Variants in C12orf42 observed in about 807,000 individuals in gnomAD.
C12orf42 encodes uncharacterized protein C12orf42.
Under a neutral mutation model 21.6 loss-of-function variants are expected in C12orf42, and 25 were observed. That is an observed-to-expected ratio of 1.16 (90% CI 0.84 to 1.62). The LOEUF (loss-of-function observed/expected upper bound fraction) is 1.62, where lower values mean the gene tolerates loss of function less well. Among genes scored for constraint, C12orf42 ranks in the 40% most tolerant of loss-of-function variants. The pLI, the probability that C12orf42 is intolerant of heterozygous loss-of-function variation, is 0.00. For synonymous variants in C12orf42, 174 were observed against 175.0 expected (o/e 0.99, Z 0.05); for missense variants, 483 against 459.3 (o/e 1.05, Z -0.47).
the C12orf42 span, among the ~76,000 whole-genome samples, chr12:103,069,069 G>A: frequency 7.0e-6 from 1 of 142,248 alleles, no homozygotes; most frequent in South Asian, 2.2e-4. Flanking sequence ...GATACTTTTT[G>A]TTCTCTGACT....
chr12:103,238,015 G>A (rs748690888), intron 10 of C12orf42: 1 of 152,210 alleles, frequency 6.6e-6, no homozygotes, highest in African/African-American at 2.4e-5. Context: ...ATATACTGCA[G>A]GAGGCATGTG....
chr12:103,357,202 C>T (rs904311003), intron 4 of C12orf42, among the ~76,000 whole-genome samples: 4 of 150,856 alleles, frequency 2.7e-5, no homozygotes, highest in Non-Finnish European at 3.0e-5. Flanking sequence ...TGCTAAATGA[C>T]GAGTTAATGG....
chr12:103,386,530 T>C (rs988847769), intron 3 of C12orf42, among the ~76,000 whole-genome samples: 1 of 152,344 alleles, frequency 6.6e-6, no homozygotes, highest in Admixed American at 6.5e-5. Context: ...TCTGGTTAAG[T>C]GCTCAAAGTC....
intron 2 of C12orf42, among the ~76,000 whole-genome samples, chr12:103,429,394 T>C (rs542364794): frequency 2.1e-4 from 32 of 152,128 alleles, no homozygotes; most frequent in Admixed American, 4.6e-4. Flanking sequence ...ATAAAATACC[T>C]AGGAATATAA....
chr12:103,329,497 T>G (rs1243925329), intron 4 of C12orf42, among the ~76,000 whole-genome samples: 1 of 151,898 alleles, frequency 6.6e-6, no homozygotes, highest in Non-Finnish European at 1.5e-5. Context: ...TGTATACCTA[T>G]GTAACAAATC....
At chr12:103,371,645 T>C (rs1406463809) in intron 3 of C12orf42, among the ~76,000 whole-genome samples, 1 of 151,958 alleles carries the variant, frequency 6.6e-6, no homozygotes, top group African/African-American at 2.4e-5. Flanking sequence ...TGAGAGAAAG[T>C]GAGACAAAAA....
upstream of C12orf42, among the ~76,000 whole-genome samples, chr12:103,497,968 G>A (rs572736938): frequency 6.6e-6 from 1 of 152,204 alleles, no homozygotes; most frequent in South Asian, 2.1e-4. Context: ...CTGTGAGGCA[G>A]AGGTTGCAGT....
chr12:103,261,476 CAAAAAAAAA>C (rs200549825), intron 10 of C12orf42, among the ~76,000 whole-genome samples: 12 of 78,824 alleles, frequency 1.5e-4, no homozygotes, highest in East Asian at 7.1e-4. Flanking sequence ...GAGACTCTTT[CAAAAAAAAA>C]AAAAAAAAAA....
chr12:103,184,244 T>C, the C12orf42 span, among the ~76,000 whole-genome samples: 2 of 152,228 alleles, frequency 1.3e-5, no homozygotes, highest in Non-Finnish European at 2.9e-5. Flanking sequence ...GTTTGGTGCA[T>C]ACCTGTTAAG....
chr12:103,521,056 T>C, the C12orf42 span, among the ~76,000 whole-genome samples: 485 of 152,302 alleles, frequency 3.2e-3, 3 homozygotes, highest in African/African-American at 0.011. Context: ...CTATGTACTA[T>C]AGGTTGTAGG....
At chr12:103,233,965 T>C (rs2033387207), downstream of C12orf42, among the ~76,000 whole-genome samples, 2 of 152,212 alleles carry the variant, frequency 1.3e-5, no homozygotes. Flanking sequence ...GTTAGGGAAG[T>C]TCCTCTCTAT....
intron 1 of C12orf42, among the ~76,000 whole-genome samples, chr12:103,495,519 T>C (rs924738162): frequency 4.6e-5 from 7 of 151,532 alleles, no homozygotes; most frequent in African/African-American, 1.7e-4. Context: ...GCGGGGCGCA[T>C]TGTGGGCCGC....
Position 103,340,276 on chromosome 12 carries a change from T to G in C12orf42, c.259+28611A>C, listed in dbSNP as rs146037054. ...GATCAGTGAATGGCAGCGAGGAAAC[T>G]GCTCTAAGTTAAAAAGAACCCATCC... On this transcript the variant is annotated intron_variant, in intron 4 of 5. Coordinates refer to ENST00000548883, the MANE Select transcript of C12orf42 (RefSeq NM_198521.5). Among the ~76,000 whole-genome samples the G allele has an allele frequency of 1.7e-3, 256 of 152,310 alleles. 1 individual carries two copies. Among genetic ancestry groups the G allele is most frequent in the African/African-American group, 5.6e-3 (231 of 41,564 alleles).
the C12orf42 span, among the ~76,000 whole-genome samples, chr12:103,224,564 A>G: frequency 2.3e-4 from 35 of 150,158 alleles, no homozygotes; most frequent in African/African-American, 8.4e-4. Flanking sequence ...GTGGGAGGCC[A>G]GATTGAAGTC....
chr12:103,220,360 C>T, the C12orf42 span, among the ~76,000 whole-genome samples: 1 of 151,832 alleles, frequency 6.6e-6, no homozygotes, highest in African/African-American at 2.4e-5. Context: ...CAAACCTACA[C>T]GTTCTGCACA....
intron 3 of C12orf42, among the ~76,000 whole-genome samples, chr12:103,391,361 C>T (rs1593772861): frequency 1.3e-5 from 2 of 152,164 alleles, no homozygotes; most frequent in Non-Finnish European, 2.9e-5. Flanking sequence ...TATTAACAAC[C>T]GCTATACTAT....
In C12orf42 at chr12:103,490,365, T is replaced by C. The variant is rs1337687776; in HGVS notation, c.-22+5537A>G. Among the ~76,000 whole-genome samples the C allele has an allele frequency of 2.6e-5, 4 of 152,332 alleles. No homozygotes were observed. In the South Asian group the frequency reaches 8.3e-4, roughly 32 times the overall value. On this transcript the variant is annotated intron_variant, in intron 1 of 5. Transcript: ENST00000548883. ...AGTCAATTTGGAGAGTTATATAGGA[T>C]AACTGGTCTGAAATTCTCTTAAAAA...
chr12:103,476,357 G>A (rs376143481), intron 2 of C12orf42, among the ~76,000 whole-genome samples: 1 of 152,142 alleles, frequency 6.6e-6, no homozygotes, highest in Non-Finnish European at 1.5e-5. Context: ...CAGACCACAA[G>A]CAGCTCCAGG....
the C12orf42 span, among the ~76,000 whole-genome samples, chr12:103,198,403 T>TGG: frequency 6.6e-6 from 1 of 152,116 alleles, no homozygotes; most frequent in Non-Finnish European, 1.5e-5. Context: ...GCAGACAGAT[T>TGG]GGTGCTCAGA....
Sources: allele counts gnomAD v4.1 joint callset (sites outside exome capture counted in the v4.1 genomes callset), GRCh38; gene constraint gnomAD v4.1.1; transcripts MANE v1.5; gene names NCBI Gene and HGNC (gene_info 2026-07-23, HGNC 2026-07-21).